BMAL2: variants seen among roughly 807,000 people sequenced by gnomAD.
The protein encoded by BMAL2 is basic helix-loop-helix ARNT-like protein 2.
the BMAL2 span, among the ~76,000 whole-genome samples, chr12:27,357,065 C>G: frequency 6.6e-6 from 1 of 152,218 alleles, no homozygotes; most frequent in East Asian, 1.9e-4. Context: ...CCATCCAGGT[C>G]GCTGCAAATG....
At chr12:27,351,708 A>G in the BMAL2 span, among the ~76,000 whole-genome samples, 1 of 152,226 alleles carries the variant, frequency 6.6e-6, no homozygotes, top group Non-Finnish European at 1.5e-5. Flanking sequence ...TTCAGAAACC[A>G]GAATCAAGAC....
the BMAL2 span, chr12:27,389,202 A>G: frequency 8.1e-6 from 13 of 1,611,740 alleles, no homozygotes; most frequent in Non-Finnish European, 1.1e-5. Context: ...GACAAAGCTT[A>G]TTTGACTTCT....
chr12:27,401,693 T>C, the BMAL2 span: 1 of 1,529,938 alleles, frequency 6.5e-7, no homozygotes, highest in Non-Finnish European at 8.9e-7. Context: ...TTTTTTATGT[T>C]AAGACCTTTA....
chr12:27,403,369 AAATT>A, the BMAL2 span: 8 of 1,124,516 alleles, frequency 7.1e-6, no homozygotes, highest in Non-Finnish European at 1.1e-5. Context: ...GAGAACTGTG[AAATT>A]ATTTGAATTG....
chr12:27,349,224 C>T, the BMAL2 span, among the ~76,000 whole-genome samples: 2 of 152,174 alleles, frequency 1.3e-5, no homozygotes, highest in Admixed American at 6.5e-5. Flanking sequence ...TCATCTTAAA[C>T]TCAGTGGGGC....
chr12:27,412,130 T>C, the BMAL2 span, among the ~76,000 whole-genome samples: 540 of 152,358 alleles, frequency 3.5e-3, 3 homozygotes, highest in African/African-American at 0.012. Flanking sequence ...CTGAGTGTTC[T>C]TGGCACCCTT....
chr12:27,424,655 A>T, the BMAL2 span: 1 of 152,208 alleles, frequency 6.6e-6, no homozygotes, highest in East Asian at 1.9e-4. Context: ...GTTTCAGATC[A>T]TGCTGCCAAG....
At chr12:27,386,096 C>T in the BMAL2 span, among the ~76,000 whole-genome samples, 1 of 151,956 alleles carries the variant, frequency 6.6e-6, no homozygotes, top group Non-Finnish European at 1.5e-5. Flanking sequence ...AGGTTTTAAG[C>T]CATAGTCAAA....
At chr12:27,359,458 G>T in the BMAL2 span, among the ~76,000 whole-genome samples, 1 of 152,196 alleles carries the variant, frequency 6.6e-6, no homozygotes, top group African/African-American at 2.4e-5. Flanking sequence ...GGAGGCTGAG[G>T]ATCGCTTGAG....
the BMAL2 span, chr12:27,402,751 C>A: frequency 7.4e-7 from 1 of 1,353,300 alleles, no homozygotes. Context: ...CTTTTTCTGT[C>A]CTGGAGAGGG....
the BMAL2 span, among the ~76,000 whole-genome samples, chr12:27,414,173 TAA>T: frequency 6.6e-6 from 1 of 152,216 alleles, no homozygotes; most frequent in Non-Finnish European, 1.5e-5. Context: ...CTTGAACACC[TAA>T]ATGTATAAAG....
the BMAL2 span, among the ~76,000 whole-genome samples, chr12:27,420,019 G>GCGCGCGCGCGCGCGCACACACA: frequency 6.8e-6 from 1 of 147,478 alleles, no homozygotes; most frequent in African/African-American, 2.5e-5. Context: ...GTTTGCGCGT[G>GCGCGCGCGCGCGCGCACACACA]CACACACACA....
chr12:27,367,784 G>A, the BMAL2 span, among the ~76,000 whole-genome samples: 1 of 150,818 alleles, frequency 6.6e-6, no homozygotes, highest in Non-Finnish European at 1.5e-5. Flanking sequence ...TATAATGTGT[G>A]TATATATATA....
At chr12:27,418,436 C>T in the BMAL2 span, among the ~76,000 whole-genome samples, 6 of 148,962 alleles carry the variant, frequency 4.0e-5, no homozygotes, top group Admixed American at 1.3e-4. Context: ...CCCATCCCTA[C>T]GAAAAAAAAA....
the BMAL2 span, chr12:27,368,121 G>A: frequency 1.0e-6 from 1 of 985,800 alleles, no homozygotes; most frequent in Non-Finnish European, 1.5e-6. Flanking sequence ...GGGATTACAG[G>A]CATGAGCCAC....
At chr12:27,373,138 G>A in the BMAL2 span, among the ~76,000 whole-genome samples, 10 of 152,282 alleles carry the variant, frequency 6.6e-5, no homozygotes, top group East Asian at 1.7e-3. Context: ...TGCCAAGGAC[G>A]AGGTTTTCTG....
chr12:27,420,160 A>G, the BMAL2 span, among the ~76,000 whole-genome samples: 1 of 152,186 alleles, frequency 6.6e-6, no homozygotes, highest in African/African-American at 2.4e-5. Context: ...TCTGTAGCAG[A>G]TGAATTAGGT....
At chr12:27,390,255 G>A in the BMAL2 span, 5 of 1,610,950 alleles carry the variant, frequency 3.1e-6, no homozygotes, top group African/African-American at 4.0e-5. Context: ...ATTTTGAAAT[G>A]TCAAGTGATG....
At chr12:27,400,847 C>T in the BMAL2 span, 1 of 1,327,650 alleles carries the variant, frequency 7.5e-7, no homozygotes, top group Non-Finnish European at 1.0e-6. Flanking sequence ...GTCTTAGTAG[C>T]ACTGCTAGTT....
Sources: gnomAD v4.1 joint callset for allele counts (sites outside exome capture counted in the v4.1 genomes callset) on GRCh38, gnomAD v4.1.1 for gene constraint, MANE v1.5 for transcripts, NCBI Gene and HGNC (gene_info 2026-07-23, HGNC 2026-07-21) for gene names.